KDM4C: variants seen among roughly 807,000 people sequenced by gnomAD.
The protein encoded by KDM4C is lysine-specific demethylase 4C.
KDM4C carries 81 observed loss-of-function variants against 129.3 expected under a neutral mutation model. That is an observed-to-expected ratio of 0.63 (90% confidence interval 0.52 to 0.75). The LOEUF is 0.75. Ranked by LOEUF, KDM4C falls within the 30% of genes least tolerant of loss-of-function variation. The pLI is 0.00. For synonymous variants in KDM4C, 573 were observed against 456.1 expected, an observed-to-expected ratio of 1.26 and a Z score of -3.26; for missense variants, 1,457 against 1,304.0, an observed-to-expected ratio of 1.12 and a Z score of -1.81.
intron 1 of KDM4C, among the ~76,000 whole-genome samples, chr9:6,748,147 C>T (rs1247193354): frequency 6.7e-6 from 1 of 149,498 alleles, no homozygotes; most frequent in Non-Finnish European, 1.5e-5. Flanking sequence ...GCCTGAGTAA[C>T]AGAGCAAGAC....
intron 2 of KDM4C, among the ~76,000 whole-genome samples, chr9:6,799,433 C>T (rs150092768): frequency 0.015 from 2,329 of 152,210 alleles, 72 homozygotes; most frequent in African/African-American, 0.053. Context: ...GGAGTGGCGG[C>T]GCGCGTCTGC....
Position 6,916,354 on chromosome 9 carries a change from GT to G in KDM4C, c.921+23135del, listed in dbSNP as rs113553834. ...TAATGTGTTTGCAATTTTAATGAGA[GT>G]TTTTTTTTTTTTGAAACAGGGTCTT... On this transcript the variant is annotated intron_variant, in intron 8 of 21. Coordinates refer to ENST00000381309, the MANE Select transcript of KDM4C (RefSeq NM_015061.6). 4.4e-3 allele frequency among the ~76,000 whole-genome samples: 633 copies of G among 145,158 alleles called. 5 individuals carry two copies. The highest frequency in any genetic ancestry group is 0.011 in the Middle Eastern group (3 of 278).
chr9:6,893,306 T>G (rs771348642), intron 8 of KDM4C, 74 bp downstream of exon 8: 2 of 1,216,502 alleles, frequency 1.6e-6, no homozygotes, highest in Non-Finnish European at 2.3e-6. Flanking sequence ...CCTACGATCC[T>G]GTGCAGCATT....
chr9:6,813,182 A>G (rs1831478204), intron 3 of KDM4C, among the ~76,000 whole-genome samples: 1 of 152,124 alleles, frequency 6.6e-6, no homozygotes, highest in African/African-American at 2.4e-5. Flanking sequence ...TCAAAACAAA[A>G]CAGAAGAAAA....
chr9:7,019,313 C>T (rs929173681), intron 15 of KDM4C, among the ~76,000 whole-genome samples: 3 of 152,146 alleles, frequency 2.0e-5, no homozygotes, highest in Non-Finnish European at 4.4e-5. Flanking sequence ...CAGTTTTACA[C>T]TCCAGAGGAG....
At chr9:6,934,354 C>T (rs1468803666) in intron 8 of KDM4C, among the ~76,000 whole-genome samples, 1 of 140,830 alleles carries the variant, frequency 7.1e-6, no homozygotes, top group Admixed American at 7.0e-5. Flanking sequence ...GCTGGCGGTC[C>T]CTGTAGTCCC....
chr9:6,733,845 C>A (rs966373483), intron 1 of KDM4C, among the ~76,000 whole-genome samples: 1 of 152,106 alleles, frequency 6.6e-6, no homozygotes, highest in Non-Finnish European at 1.5e-5. Context: ...CCTTTTTAGA[C>A]CATATAGGTT....
Position 6,996,603 on chromosome 9 carries a change from C to T in KDM4C, c.1786+6079C>T, listed in dbSNP as rs147818725. 2.9e-3 allele frequency among the ~76,000 whole-genome samples: 449 copies of T among 152,278 alleles called. 4 individuals carry two copies. The highest frequency in any genetic ancestry group is 9.4e-3 in the African/African-American group (391 of 41,552). ...TTCTAATGCAATTGTAAACTAAGGA[C>T]AAGCCGTGCTAGTGTACAGAGGACG... On this transcript the variant is annotated intron_variant, in intron 12 of 21. Transcript: ENST00000381309.
At chr9:6,796,389 T>G (rs1827767035) in intron 2 of KDM4C, among the ~76,000 whole-genome samples, 2 of 151,972 alleles carry the variant, frequency 1.3e-5, no homozygotes, top group African/African-American at 4.8e-5. Flanking sequence ...AGGGCAGAGG[T>G]TGGGGATAAC....
intron 5 of KDM4C, among the ~76,000 whole-genome samples, chr9:6,866,101 T>G (rs951147503): frequency 2.6e-5 from 4 of 151,710 alleles, no homozygotes; most frequent in African/African-American, 9.7e-5. Flanking sequence ...AACAGGCTGG[T>G]CTCGGACTCC....
chr9:7,040,514 G>A (rs1169902617), intron 15 of KDM4C, among the ~76,000 whole-genome samples: 2 of 151,898 alleles, frequency 1.3e-5, no homozygotes, highest in Admixed American at 6.6e-5. Flanking sequence ...CCTTGGTAAC[G>A]TGTGATTTCA....
intron 1 of KDM4C, among the ~76,000 whole-genome samples, chr9:6,721,330 A>T (rs1416445654): frequency 2.3e-5 from 3 of 132,750 alleles, no homozygotes; most frequent in Admixed American, 8.7e-5. Context: ...CCCACCCAGG[A>T]CAGAGGGCAG....
intron 4 of KDM4C, among the ~76,000 whole-genome samples, chr9:6,817,799 C>G (rs1322405109): frequency 2.3e-5 from 3 of 132,120 alleles, no homozygotes; most frequent in Non-Finnish European, 4.7e-5. Context: ...CAGAGTCTCA[C>G]TCTGTAGCCC....
intron 19 of KDM4C, among the ~76,000 whole-genome samples, chr9:7,149,743 G>A (rs1392870918): frequency 5.3e-5 from 8 of 152,216 alleles, no homozygotes; most frequent in Admixed American, 4.6e-4. Context: ...ATGGTCGATG[G>A]TGGCAGCCAG....
At chr9:6,731,738 G>A (rs915223874) in intron 1 of KDM4C, among the ~76,000 whole-genome samples, 1 of 152,030 alleles carries the variant, frequency 6.6e-6, no homozygotes, top group African/African-American at 2.4e-5. Flanking sequence ...TCCCTTTCTG[G>A]TCAGGTTCTC....
At position 6,790,818 on chromosome 9, in the gene KDM4C, G is replaced by A. The variant is rs149162875; in HGVS notation, c.-17-2154G>A. Among the ~76,000 whole-genome samples, 51 of 152,180 alleles carry A rather than the reference G, an allele frequency of 3.4e-4. 1 individual carries two copies. The East Asian group carries it at 9.3e-3, about 28-fold the overall frequency. On this transcript the variant is annotated intron_variant, in intron 1 of 21. Coordinates refer to ENST00000381309, the MANE Select transcript of KDM4C (RefSeq NM_015061.6). Reference sequence around the variant, plus strand: ...TGCTTCTTACTTACCTTTGCATTCTGTGTGCCTGTCTCATGATAGGTGCTC... The same window carrying A: ...TGCTTCTTACTTACCTTTGCATTCTATGTGCCTGTCTCATGATAGGTGCTC...
At chr9:7,097,604 T>A (rs1836591041) in intron 17 of KDM4C, among the ~76,000 whole-genome samples, 1 of 152,190 alleles carries the variant, frequency 6.6e-6, no homozygotes, top group Admixed American at 6.6e-5. Context: ...CTTCTAGATC[T>A]GCTCAGTAGA....
chr9:6,942,070 AG>A (rs1826049568), intron 8 of KDM4C, among the ~76,000 whole-genome samples: 2 of 152,324 alleles, frequency 1.3e-5, no homozygotes, highest in South Asian at 4.1e-4. Context: ...ATAAATTGGT[AG>A]AGCAGTTATT....
intron 5 of KDM4C, among the ~76,000 whole-genome samples, chr9:6,856,819 G>T (rs1299649495): frequency 6.7e-6 from 1 of 148,222 alleles, no homozygotes; most frequent in South Asian, 2.1e-4. Flanking sequence ...CTGCAGTGGC[G>T]CAATCTCGGC....
Sources: gnomAD v4.1 joint callset for allele counts (sites outside exome capture counted in the v4.1 genomes callset) on GRCh38, gnomAD v4.1.1 for gene constraint, MANE v1.5 for transcripts, NCBI Gene and HGNC (gene_info 2026-07-23, HGNC 2026-07-21) for gene names.